The following ATP9B variants were observed in gnomAD, a reference collection of about 807,000 sequenced individuals.
ATP9B encodes the protein probable phospholipid-transporting ATPase IIB.
Under a neutral mutation model 146.1 loss-of-function variants are expected in ATP9B, and 110 were observed. That is an observed-to-expected ratio of 0.75 (90% CI 0.65 to 0.88). The LOEUF (loss-of-function observed/expected upper bound fraction) is 0.88. Among genes scored for constraint, ATP9B ranks in the 40% least tolerant of loss-of-function variants. ATP9B has a pLI of 0.00. For synonymous variants in ATP9B, 604 were observed against 569.7 expected (o/e 1.06, Z -0.86); for missense variants, 1,499 against 1,496.4 (o/e 1.00, Z -0.03).
At chr18:79,320,357 G>T (rs953556219) in intron 15 of ATP9B, among the ~76,000 whole-genome samples, 3 of 152,160 alleles carry the variant, frequency 2.0e-5, no homozygotes, top group African/African-American at 7.2e-5. Flanking sequence ...ACTCTGATCA[G>T]GTGGTCAGCA....
chr18:79,113,464 G>T, intron 4 of ATP9B, 110 bp downstream of exon 4: 2 of 697,636 alleles, frequency 2.9e-6, no homozygotes, highest in Non-Finnish European at 4.7e-6. Flanking sequence ...ACATGGTGTT[G>T]TAGTGTTCAC....
At chr18:79,100,598 T>G (rs2075197818) in intron 2 of ATP9B, among the ~76,000 whole-genome samples, 1 of 152,236 alleles carries the variant, frequency 6.6e-6, no homozygotes, top group African/African-American at 2.4e-5. Flanking sequence ...TAAAAAAATT[T>G]TTAAAAATTT....
chr18:79,195,303 A>G (rs550826702), intron 9 of ATP9B, among the ~76,000 whole-genome samples: 2 of 152,310 alleles, frequency 1.3e-5, no homozygotes, highest in East Asian at 3.9e-4. Context: ...GCTAGAGTGC[A>G]GTGGTGTGAT....
chr18:79,185,232 A>G lies in ATP9B; in HGVS notation c.874-7951A>G, dbSNP rs150897756. Among the ~76,000 whole-genome samples, 288 of 152,340 alleles carry G rather than the reference A, an allele frequency of 1.9e-3. 1 individual carries two copies. The highest frequency in any genetic ancestry group is 9.8e-4 in the Admixed American group (15 of 15,312). Reference sequence around the variant, plus strand: ...TTAAACGTGCAGTTATTGCATGGAAATCACACCTTATGAAGTAGTTACAGA... The same window carrying G: ...TTAAACGTGCAGTTATTGCATGGAAGTCACACCTTATGAAGTAGTTACAGA... On this transcript the variant is annotated intron_variant, in intron 8 of 29. Coordinates refer to ENST00000426216, the MANE Select transcript of ATP9B (RefSeq NM_198531.5).
chr18:79,190,294 T>A (rs2095351615), intron 8 of ATP9B, among the ~76,000 whole-genome samples: 1 of 152,162 alleles, frequency 6.6e-6, no homozygotes, highest in Non-Finnish European at 1.5e-5. Context: ...TACCTAACTT[T>A]AAACATTTAA....
intron 2 of ATP9B, among the ~76,000 whole-genome samples, chr18:79,096,928 G>A (rs1005853237): frequency 6.6e-6 from 1 of 152,008 alleles, no homozygotes; most frequent in African/African-American, 2.4e-5. Flanking sequence ...AGGCTAAGGC[G>A]GGCAGATCAC....
intron 1 of ATP9B, chr18:79,086,435 CAAAAAAA>C (rs56268434): frequency 3.2e-5 from 2 of 63,482 alleles, no homozygotes; most frequent in East Asian, 5.4e-4. Context: ...GGCTCTATCT[CAAAAAAA>C]AAAAAAAAAA....
chr18:79,330,181 A>G lies in ATP9B; in HGVS notation c.2028+77A>G, dbSNP rs770214450. Reference sequence around the variant, plus strand: ...ATGTGAGTGACTCTCAGCCTGGTTCACAGTGTTTCTATGAACTTTATTGAT... The same window carrying G: ...ATGTGAGTGACTCTCAGCCTGGTTCGCAGTGTTTCTATGAACTTTATTGAT... On this transcript the variant is annotated intron_variant, in intron 17 of 29. Transcript: ENST00000426216. The G allele has an allele frequency of 3.7e-6, 5 of 1,352,614 alleles. No individual in the cohort carries two copies. The Admixed American group carries it at 5.1e-5, about 14-fold the overall frequency. 83.8% of individuals were successfully genotyped at this position (1,352,614 alleles called of 1,614,324 possible). A position where few individuals can be genotyped will look rare whatever the true frequency, so the allele number is the denominator to read the frequency against.
intron 5 of ATP9B, among the ~76,000 whole-genome samples, chr18:79,133,822 C>T (rs1003443277): frequency 3.3e-5 from 5 of 152,210 alleles, no homozygotes; most frequent in African/African-American, 1.2e-4. Context: ...GGTCTGCCCC[C>T]CGCAGCCTTT....
chr18:79,314,942 A>C (rs77636712), intron 15 of ATP9B, among the ~76,000 whole-genome samples: 7 of 152,214 alleles, frequency 4.6e-5, no homozygotes, highest in Non-Finnish European at 1.0e-4. Flanking sequence ...GTGGGGTGGA[A>C]GGAACTTTGA....
chr18:79,361,772 G>A (rs1242642076), intron 26 of ATP9B: 13 of 985,344 alleles, frequency 1.3e-5, no homozygotes, highest in South Asian at 9.4e-5. Context: ...AGCACTCTGC[G>A]TTGTTGTCTG....
Position 79,100,853 on chromosome 18 carries a change from A to C in ATP9B, c.293+4204A>C, listed in dbSNP as rs188479779. Among the ~76,000 whole-genome samples the C allele has an allele frequency of 6.0e-5, 9 of 151,106 alleles. No individual in the cohort carries two copies. The East Asian group carries it at 1.8e-3, about 30-fold the overall frequency. On this transcript the variant is annotated intron_variant, in intron 2 of 29. Coordinates refer to ENST00000426216, the MANE Select transcript of ATP9B (RefSeq NM_198531.5). The stretch of plus-strand genomic sequence containing the variant: ...AGGCAAAGAGAGCTTGTGCAGAAAA[A>C]CTCCTGTTTTTAAAATCATCAGATC...
intron 15 of ATP9B, among the ~76,000 whole-genome samples, chr18:79,313,954 A>G (rs1381826671): frequency 6.6e-6 from 1 of 152,226 alleles, no homozygotes; most frequent in African/African-American, 2.4e-5. Context: ...CCTCAGGAAA[A>G]TCATCTAAAT....
intron 26 of ATP9B, among the ~76,000 whole-genome samples, chr18:79,371,003 CT>C (rs1253171073): frequency 1.3e-5 from 2 of 152,186 alleles, no homozygotes; most frequent in Non-Finnish European, 2.9e-5. Context: ...GAGAAATGTC[CT>C]TGGGAAATAC....
intron 13 of ATP9B, among the ~76,000 whole-genome samples, chr18:79,285,391 A>G (rs1247063502): frequency 6.6e-6 from 1 of 152,204 alleles, no homozygotes; most frequent in Non-Finnish European, 1.5e-5. Context: ...GCATTTTTTC[A>G]TGTGTCTCTT....
chr18:79,258,871 A>G (rs8089568), intron 12 of ATP9B, among the ~76,000 whole-genome samples: 9,391 of 152,276 alleles, frequency 0.062, 589 homozygotes, highest in African/African-American at 0.16. Context: ...AGCACAGGAC[A>G]CTGATTTGGG....
At chr18:79,271,603 G>A (rs1324272594) in intron 12 of ATP9B, among the ~76,000 whole-genome samples, 1 of 151,854 alleles carries the variant, frequency 6.6e-6, no homozygotes, top group East Asian at 1.9e-4. Context: ...ATTCCATGGT[G>A]TATATGTGCC....
In ATP9B at chr18:79,245,603, G is replaced by GGAGGGCACCACCCTACTGACTGTGCA. The variant is rs2095939990; in HGVS notation, c.1108-7773_1108-7772insCACCACCCTACTGACTGTGCAGAGGG. 4.1e-5 allele frequency among the ~76,000 whole-genome samples: 4 copies of GGAGGGCACCACCCTACTGACTGTGCA among 96,480 alleles called. No individual in the cohort carries two copies. In the Admixed American group the frequency reaches 4.3e-4, roughly 10 times the overall value. 63.3% of individuals were successfully genotyped at this position (96,480 alleles called of 152,430 possible). A position where few individuals can be genotyped will look rare whatever the true frequency, so the allele number is the denominator to read the frequency against. On this transcript the variant is annotated intron_variant, in intron 11 of 29. Transcript: ENST00000426216. The stretch of plus-strand genomic sequence containing the variant: ...GAGGGCACCGCCCTAATGACTGTGC[G>GGAGGGCACCACCCTACTGACTGTGCA]GAGGGTACCACCCTACTGACTGGGG...
chr18:79,114,992 A>G (rs375613118), intron 4 of ATP9B: 2 of 185,606 alleles, frequency 1.1e-5, no homozygotes, highest in Non-Finnish European at 2.4e-5. Flanking sequence ...CCCTGTTTGC[A>G]GATGACATGA....
Sources: gnomAD v4.1 joint callset for allele counts (sites outside exome capture counted in the v4.1 genomes callset) on GRCh38, gnomAD v4.1.1 for gene constraint, MANE v1.5 for transcripts, NCBI Gene and HGNC (gene_info 2026-07-23, HGNC 2026-07-21) for gene names.